The following EEPD1 variants were observed in gnomAD, a reference collection of about 807,000 sequenced individuals.
EEPD1 encodes the protein endonuclease/exonuclease/phosphatase family domain containing 1.
EEPD1 carries 17 observed loss-of-function variants against 46.3 expected under a neutral mutation model. That is an observed-to-expected ratio of 0.37 (90% CI 0.25 to 0.55). The LOEUF is 0.55. EEPD1 is among the 20% of genes least tolerant of loss of function. The probability of loss-of-function intolerance (pLI) is 0.83; values close to 1 mark genes in which losing one functional copy is unlikely to be tolerated. For synonymous variants in EEPD1, 313 were observed against 315.6 expected, an observed-to-expected ratio of 0.99 and a Z score of 0.09; for missense variants, 673 against 745.6, an observed-to-expected ratio of 0.90 and a Z score of 1.13.
intron 2 of EEPD1, among the ~76,000 whole-genome samples, chr7:36,170,679 C>T (rs191393384): frequency 1.4e-3 from 208 of 151,282 alleles, no homozygotes; most frequent in Non-Finnish European, 2.5e-3. Context: ...CCTTAGACAT[C>T]GCCTTTAAAA....
intron 2 of EEPD1, among the ~76,000 whole-genome samples, chr7:36,169,666 T>C (rs1785043919): frequency 6.6e-6 from 1 of 152,124 alleles, no homozygotes; most frequent in South Asian, 2.1e-4. Flanking sequence ...AGTCATGGAG[T>C]CATTGTACCA....
chr7:36,202,438 G>A (rs1204546113), intron 2 of EEPD1, among the ~76,000 whole-genome samples: 1 of 152,068 alleles, frequency 6.6e-6, no homozygotes, highest in African/African-American at 2.4e-5. Context: ...AGCATGCCTG[G>A]GGCCTCCACA....
chr7:36,248,367 A>G (rs1182045024), intron 3 of EEPD1, among the ~76,000 whole-genome samples: 2 of 151,642 alleles, frequency 1.3e-5, no homozygotes, highest in African/African-American at 4.8e-5. Context: ...CACCACACCC[A>G]GCTAATTTTT....
chr7:36,245,845 G>A (rs1403946258), intron 3 of EEPD1, among the ~76,000 whole-genome samples: 1 of 152,176 alleles, frequency 6.6e-6, no homozygotes, highest in African/African-American at 2.4e-5. Context: ...CTGTAAGAAG[G>A]ATACATGTCA....
Position 36,182,285 on chromosome 7 carries a change from T to C in EEPD1, c.878+27083T>C, listed in dbSNP as rs570659105. The stretch of plus-strand genomic sequence containing the variant: ...AATATATATCTTCTTTGCATTTTTG[T>C]GTAAGAGAAAAGTAAGAATATATAT... On this transcript the variant is annotated intron_variant, in intron 2 of 7. Coordinates refer to ENST00000242108, the MANE Select transcript of EEPD1 (RefSeq NM_030636.3). Among the ~76,000 whole-genome samples, 3 of 152,348 alleles carry C rather than the reference T, an allele frequency of 2.0e-5. No individual in the cohort carries two copies. The East Asian group carries it at 5.8e-4, about 29-fold the overall frequency.
At chr7:36,213,220 T>C (rs4723494) in intron 2 of EEPD1, among the ~76,000 whole-genome samples, 91,546 of 152,064 alleles carry the variant, frequency 0.6, 28,040 homozygotes, top group Admixed American at 0.67. Flanking sequence ...ACCTAATATA[T>C]TATGACACAT....
chr7:36,226,169 A>AGGG (rs2115755430), intron 2 of EEPD1, among the ~76,000 whole-genome samples: 1 of 152,360 alleles, frequency 6.6e-6, no homozygotes, highest in African/African-American at 2.4e-5. Flanking sequence ...CAAAGAGGGA[A>AGGG]GGGGAGATAA....
chr7:36,293,995 G>C (rs890716838), intron 6 of EEPD1, among the ~76,000 whole-genome samples: 4 of 151,738 alleles, frequency 2.6e-5, no homozygotes, highest in African/African-American at 9.7e-5. Context: ...CTTCTTATTT[G>C]AAGCACATCC....
chr7:36,189,082 C>T (rs1785415935), intron 2 of EEPD1, among the ~76,000 whole-genome samples: 1 of 152,172 alleles, frequency 6.6e-6, no homozygotes, highest in South Asian at 2.1e-4. Flanking sequence ...TTGAGACATT[C>T]CTGCCCTTTG....
intron 2 of EEPD1, among the ~76,000 whole-genome samples, chr7:36,233,291 T>A (rs1187260021): frequency 6.6e-6 from 1 of 152,268 alleles, no homozygotes; most frequent in East Asian, 1.9e-4. Context: ...GTTACATAAT[T>A]CACGTAGTAC....
At chr7:36,242,120 T>C (rs2115790217) in intron 3 of EEPD1, among the ~76,000 whole-genome samples, 1 of 151,886 alleles carries the variant, frequency 6.6e-6, no homozygotes, top group South Asian at 2.1e-4. Flanking sequence ...TTACTTACTT[T>C]CTCGTGCCTT....
Position 36,218,851 on chromosome 7 carries a change from T to C in EEPD1, c.879-20134T>C, listed in dbSNP as rs1043757290. On this transcript the variant is annotated intron_variant, in intron 2 of 7. Transcript: ENST00000242108. Reference sequence around the variant, plus strand: ...AGCTTAGGATGGGAACATTAGAAGGTGGAAGAGAAGTAGGCTGGTGGGAAG... The same window carrying C: ...AGCTTAGGATGGGAACATTAGAAGGCGGAAGAGAAGTAGGCTGGTGGGAAG... Among the ~76,000 whole-genome samples, 284 of 152,104 alleles carry C rather than the reference T, an allele frequency of 1.9e-3. 1 individual carries two copies. The highest frequency in any genetic ancestry group is 6.8e-3 in the African/African-American group (282 of 41,488).
At chr7:36,295,176 C>CA (rs34168211) in intron 6 of EEPD1, among the ~76,000 whole-genome samples, 37,721 of 137,654 alleles carry the variant, frequency 0.27, 5,627 homozygotes, top group South Asian at 0.5. Context: ...GACTCTGTCT[C>CA]AAAAAGAAAA....
chr7:36,231,354 A>C (rs929987987), intron 2 of EEPD1, among the ~76,000 whole-genome samples: 16 of 152,240 alleles, frequency 1.1e-4, no homozygotes, highest in Non-Finnish European at 1.5e-4. Context: ...ATCTAAATAA[A>C]TCATTGCTAT....
At chr7:36,279,212 A>G (rs1337456770) in intron 3 of EEPD1, among the ~76,000 whole-genome samples, 3 of 152,072 alleles carry the variant, frequency 2.0e-5, no homozygotes, top group African/African-American at 7.2e-5. Context: ...GTTTCAGAGC[A>G]TCACTGGGTG....
intron 3 of EEPD1, among the ~76,000 whole-genome samples, chr7:36,277,733 T>G (rs897031197): frequency 4.6e-5 from 7 of 152,230 alleles, no homozygotes; most frequent in African/African-American, 1.7e-4. Flanking sequence ...GGACATAGAA[T>G]GCTTGTAGCC....
chr7:36,261,398 T>A (rs1786920949), intron 3 of EEPD1, among the ~76,000 whole-genome samples: 2 of 152,192 alleles, frequency 1.3e-5, no homozygotes. Context: ...TCTGTTTTAC[T>A]TTTTAGCAGA....
At chr7:36,215,072 T>C (rs1465041790) in intron 2 of EEPD1, among the ~76,000 whole-genome samples, 1 of 152,178 alleles carries the variant, frequency 6.6e-6, no homozygotes, top group African/African-American at 2.4e-5. Flanking sequence ...GGGGCCTCAA[T>C]TGCAGGCTGG....
intron 2 of EEPD1, among the ~76,000 whole-genome samples, chr7:36,215,259 G>A (rs535826564): frequency 7.9e-5 from 12 of 152,326 alleles, no homozygotes; most frequent in South Asian, 6.2e-4. Flanking sequence ...GGCAGTAGGC[G>A]CCTTGGCGCC....
Sources: gnomAD v4.1 joint callset for allele counts (sites outside exome capture counted in the v4.1 genomes callset) on GRCh38, gnomAD v4.1.1 for gene constraint, MANE v1.5 for transcripts, NCBI Gene and HGNC (gene_info 2026-07-23, HGNC 2026-07-21) for gene names.